Variants in WASF3 observed in about 807,000 individuals in gnomAD.
The protein encoded by WASF3 is WASP family member 3.
In WASF3, 11 loss-of-function variants were observed where a neutral mutation model predicts 46.6. The ratio of observed to expected loss-of-function variants is 0.24; its 90% CI spans 0.15 to 0.39. The LOEUF is 0.39. WASF3 is among the 10% of genes least tolerant of loss of function. The pLI is 1.00. For missense variants in WASF3, 576 were observed against 669.8 expected (o/e 0.86, Z 1.55); for synonymous variants, 242 against 259.7 (o/e 0.93, Z 0.65).
intron 3 of WASF3, among the ~76,000 whole-genome samples, chr13:26,657,385 G>T (rs1882497406): frequency 6.6e-6 from 1 of 152,198 alleles, no homozygotes; most frequent in Non-Finnish European, 1.5e-5. Context: ...TGGTGCAAAA[G>T]TATCTAATGT....
chr13:26,617,750 C>CA (rs1045384604), intron 2 of WASF3, among the ~76,000 whole-genome samples: 19 of 152,246 alleles, frequency 1.2e-4, no homozygotes, highest in African/African-American at 4.6e-4. Context: ...TGTTCCCACC[C>CA]AAAATCTCAT....
intron 3 of WASF3, among the ~76,000 whole-genome samples, chr13:26,649,534 A>G (rs1172441100): frequency 6.6e-6 from 1 of 152,230 alleles, no homozygotes; most frequent in Non-Finnish European, 1.5e-5. Flanking sequence ...AACTGAAGTT[A>G]CAGGACAAAC....
intron 1 of WASF3, among the ~76,000 whole-genome samples, chr13:26,603,984 G>T (rs1880719031): frequency 6.6e-6 from 1 of 152,198 alleles, no homozygotes; most frequent in African/African-American, 2.4e-5. Context: ...TTCTGTTGGA[G>T]TTAGGAGGGT....
At chr13:26,599,555 A>G (rs529699924) in intron 1 of WASF3, among the ~76,000 whole-genome samples, 1 of 152,282 alleles carries the variant, frequency 6.6e-6, no homozygotes, top group East Asian at 1.9e-4. Flanking sequence ...TGGCAAGTGG[A>G]TGCAGATTTG....
chr13:26,594,443 C>A (rs565378304), intron 1 of WASF3, among the ~76,000 whole-genome samples: 2 of 152,146 alleles, frequency 1.3e-5, no homozygotes, highest in Admixed American at 1.3e-4. Flanking sequence ...TGGGAGTGAT[C>A]GTCAGTTCCT....
At chr13:26,591,805 A>T (rs903706680) in intron 1 of WASF3, among the ~76,000 whole-genome samples, 1 of 152,088 alleles carries the variant, frequency 6.6e-6, no homozygotes, top group African/African-American at 2.4e-5. Flanking sequence ...TAGAGAAGAG[A>T]AAAGGTCCGA....
intron 3 of WASF3, among the ~76,000 whole-genome samples, chr13:26,643,234 G>A (rs1414067284): frequency 6.6e-6 from 1 of 152,002 alleles, no homozygotes; most frequent in African/African-American, 2.4e-5. Flanking sequence ...GGTTTATGTG[G>A]CATTTTTGGT....
intron 6 of WASF3, among the ~76,000 whole-genome samples, chr13:26,674,749 A>T (rs959093266): frequency 6.6e-6 from 1 of 152,218 alleles, no homozygotes; most frequent in African/African-American, 2.4e-5. Context: ...GGTGCAGATA[A>T]TTCTTCAGGA....
intron 3 of WASF3, among the ~76,000 whole-genome samples, chr13:26,660,317 AAGC>A (rs972140580): frequency 8.1e-5 from 12 of 147,280 alleles, no homozygotes; most frequent in Non-Finnish European, 1.6e-4. Context: ...GGGAGGGAGG[AAGC>A]AGCAGAGGGA....
rs114211444 is a variant in WASF3, at chr13:26,565,691, G to A, written c.-109+7872G>A. On this transcript the variant is annotated intron_variant, in intron 1 of 9. Transcript: ENST00000335327. ...CTGCAAACAGCATTTGTTTCCCAAG[G>A]CTTCTCTAGAATGTGAATTGTTCTT... Among the ~76,000 whole-genome samples the A allele has an allele frequency of 5.7e-3, 861 of 152,272 alleles. 10 individuals carry two copies. Among genetic ancestry groups the A allele is most frequent in the African/African-American group, 0.02 (821 of 41,552 alleles).
At chr13:26,573,937 T>A (rs550364074) in intron 1 of WASF3, among the ~76,000 whole-genome samples, 1 of 152,344 alleles carries the variant, frequency 6.6e-6, no homozygotes, top group Admixed American at 6.5e-5. Flanking sequence ...TTTTTAAATC[T>A]TTCATTCAAC....
intron 9 of WASF3, 131 bp from the exon 10 acceptor site, chr13:26,685,557 C>T: frequency 8.4e-6 from 9 of 1,068,300 alleles, no homozygotes; most frequent in South Asian, 3.8e-5. Flanking sequence ...AGCTTTTCTC[C>T]CCTCAAATTT....
chr13:26,556,754 A>T (rs2137129087), upstream of WASF3, among the ~76,000 whole-genome samples: 1 of 152,358 alleles, frequency 6.6e-6, no homozygotes, highest in South Asian at 2.1e-4. Flanking sequence ...TAAAGAAAAG[A>T]GCAAACCAAC....
At chr13:26,681,894 G>T (rs8001630) in intron 8 of WASF3, among the ~76,000 whole-genome samples, 2,979 of 152,228 alleles carry the variant, frequency 0.02, 96 homozygotes, top group African/African-American at 0.068. Context: ...AGTCTTTAAA[G>T]ACTTCATTCC....
rs562667126 is a variant in WASF3, at chr13:26,570,458, C to G, written c.-109+12639C>G. On this transcript the variant is annotated intron_variant, in intron 1 of 9. Coordinates refer to ENST00000335327, the MANE Select transcript of WASF3 (RefSeq NM_006646.6). Reference sequence around the variant, plus strand: ...TTTCTCCCTCTTGTAAATAACCAGCCTCACTTTTCTAGTTTCTTTTAAGAC... The same window carrying G: ...TTTCTCCCTCTTGTAAATAACCAGCGTCACTTTTCTAGTTTCTTTTAAGAC... Among the ~76,000 whole-genome samples, 4 of 152,240 alleles carry G rather than the reference C, an allele frequency of 2.6e-5. No individual in the cohort carries two copies. In the South Asian group the frequency reaches 8.3e-4, roughly 32 times the overall value.
the WASF3 span, among the ~76,000 whole-genome samples, chr13:26,545,748 G>A: frequency 2.0e-5 from 3 of 152,104 alleles, no homozygotes; most frequent in South Asian, 2.1e-4. Flanking sequence ...GGGACTACAG[G>A]TGCATCACCA....
chr13:26,669,000 C>T (rs762497005), intron 5 of WASF3, among the ~76,000 whole-genome samples: 1 of 151,916 alleles, frequency 6.6e-6, no homozygotes, highest in Non-Finnish European at 1.5e-5. Context: ...TTCTACCTGC[C>T]GTTGCTAAGA....
At chr13:26,557,535 A>G (rs1280550748), upstream of WASF3, among the ~76,000 whole-genome samples, 1 of 152,084 alleles carries the variant, frequency 6.6e-6, no homozygotes, top group African/African-American at 2.4e-5. Flanking sequence ...ACCGTCGCTC[A>G]GCGCGCTCGC....
chr13:26,620,548 T>C (rs1262879401), intron 2 of WASF3: 1 of 152,160 alleles, frequency 6.6e-6, no homozygotes, highest in Non-Finnish European at 1.5e-5. Context: ...CAGCAGCTTT[T>C]TTCAGAGCTC....
Sources: allele counts gnomAD v4.1 joint callset (sites outside exome capture counted in the v4.1 genomes callset), GRCh38; gene constraint gnomAD v4.1.1; transcripts MANE v1.5; gene names NCBI Gene and HGNC (gene_info 2026-07-23, HGNC 2026-07-21).